Variants in TBC1D22A observed in about 807,000 individuals in gnomAD.
TBC1D22A encodes the protein TBC1 domain family member 22A, also known as putative GTPase activator.
In TBC1D22A, 38 loss-of-function variants were observed where a neutral mutation model predicts 60.2. The ratio of observed to expected loss-of-function variants is 0.63; its 90% CI spans 0.49 to 0.83. The LOEUF (loss-of-function observed/expected upper bound fraction) is 0.83, where lower values mean the gene tolerates loss of function less well. Ranked by LOEUF, TBC1D22A falls within the 40% of genes least tolerant of loss-of-function variation. TBC1D22A has a pLI of 0.00. For missense variants in TBC1D22A, 628 were observed against 701.0 expected, an observed-to-expected ratio of 0.90 and a Z score of 1.18; for synonymous variants, 302 against 281.7, an observed-to-expected ratio of 1.07 and a Z score of -0.72.
chr22:47,097,299 T>C (rs552954979), intron 11 of TBC1D22A, among the ~76,000 whole-genome samples: 2 of 152,294 alleles, frequency 1.3e-5, no homozygotes, highest in South Asian at 2.1e-4. Flanking sequence ...CCTGGATAAA[T>C]GATAGGGAGT....
intron 8 of TBC1D22A, among the ~76,000 whole-genome samples, chr22:46,943,203 C>T (rs2072285403): frequency 6.6e-6 from 1 of 152,072 alleles, no homozygotes; most frequent in African/African-American, 2.4e-5. Flanking sequence ...TTATGCTCTC[C>T]TCCCAGCCTC....
At chr22:46,853,460 T>C (rs887128885) in intron 4 of TBC1D22A, among the ~76,000 whole-genome samples, 1 of 152,222 alleles carries the variant, frequency 6.6e-6, no homozygotes, top group African/African-American at 2.4e-5. Flanking sequence ...CCTGGCTCTG[T>C]GCCCACGTGG....
intron 12 of TBC1D22A, among the ~76,000 whole-genome samples, chr22:47,165,423 G>A (rs889585453): frequency 6.6e-6 from 1 of 152,164 alleles, no homozygotes; most frequent in African/African-American, 2.4e-5. Context: ...TGCCCCTCTC[G>A]CCTGGGGGTG....
chr22:47,061,490 G>A (rs1259611612), intron 11 of TBC1D22A, among the ~76,000 whole-genome samples: 2 of 152,044 alleles, frequency 1.3e-5, no homozygotes, highest in Non-Finnish European at 2.9e-5. Context: ...CTTGCTACAC[G>A]AGCAGCTCTC....
chr22:46,854,907 T>A (rs143891305), intron 4 of TBC1D22A, among the ~76,000 whole-genome samples: 45 of 152,352 alleles, frequency 3.0e-4, no homozygotes, highest in African/African-American at 1.0e-3. Flanking sequence ...CTCTGCCTAA[T>A]ACTTGTGAAC....
intron 12 of TBC1D22A, among the ~76,000 whole-genome samples, chr22:47,135,080 G>T (rs1216486703): frequency 6.6e-6 from 1 of 152,222 alleles, no homozygotes; most frequent in East Asian, 1.9e-4. Context: ...TCCCCAGCTG[G>T]GAAGGGGACA....
chr22:46,852,818 G>T (rs1248209294), intron 4 of TBC1D22A, among the ~76,000 whole-genome samples: 1 of 152,176 alleles, frequency 6.6e-6, no homozygotes, highest in African/African-American at 2.4e-5. Flanking sequence ...TCTAGGGAGA[G>T]CTGCGCTTTG....
intron 11 of TBC1D22A, among the ~76,000 whole-genome samples, chr22:47,099,357 G>A (rs946682838): frequency 2.0e-5 from 3 of 152,196 alleles, no homozygotes. Context: ...GGGTTTAGGG[G>A]CGGTCAAGAA....
intron 10 of TBC1D22A, among the ~76,000 whole-genome samples, chr22:47,019,654 G>A (rs2148333144): frequency 6.6e-6 from 1 of 152,034 alleles, no homozygotes. Context: ...GAGACGTTGT[G>A]GGCAGTGGTG....
At chr22:46,892,124 GGTTCTTAATTGGTATTATT>G in intron 6 of TBC1D22A, among the ~76,000 whole-genome samples, 1 of 152,180 alleles carries the variant, frequency 6.6e-6, no homozygotes, top group South Asian at 2.1e-4. Context: ...TCAAAATGGT[GGTTCTTAATTGGTATTATT>G]GTCTTAGCTA....
chr22:47,088,162 A>C (rs2064777944), intron 11 of TBC1D22A, among the ~76,000 whole-genome samples: 1 of 152,104 alleles, frequency 6.6e-6, no homozygotes, highest in African/African-American at 2.4e-5. Flanking sequence ...ATAACCTCTT[A>C]TCTTCTGGCT....
chr22:47,051,476 C>T (rs184905928), intron 11 of TBC1D22A, among the ~76,000 whole-genome samples: 10 of 152,298 alleles, frequency 6.6e-5, no homozygotes, highest in Admixed American at 3.9e-4. Context: ...TGCTTCAATG[C>T]GGACCCTGGG....
intron 8 of TBC1D22A, among the ~76,000 whole-genome samples, chr22:46,947,853 G>C (rs1569258541): frequency 6.6e-6 from 1 of 152,212 alleles, no homozygotes. Flanking sequence ...TGAGGATTCT[G>C]TGGCCACCTT....
intron 4 of TBC1D22A, among the ~76,000 whole-genome samples, chr22:46,815,467 A>C (rs968869965): frequency 2.0e-5 from 3 of 152,196 alleles, no homozygotes; most frequent in African/African-American, 7.2e-5. Context: ...ACGCAATCCT[A>C]CTTCCCCTGT....
intron 1 of TBC1D22A, among the ~76,000 whole-genome samples, chr22:46,767,668 G>A (rs898687533): frequency 6.6e-6 from 1 of 152,182 alleles, no homozygotes; most frequent in Non-Finnish European, 1.5e-5. Flanking sequence ...GTGGCTTAGT[G>A]GCAGGTGTGG....
chr22:46,910,696 T>G, intron 7 of TBC1D22A, among the ~76,000 whole-genome samples: 2 of 150,200 alleles, frequency 1.3e-5, no homozygotes, highest in East Asian at 2.0e-4. Flanking sequence ...AAAAAGAGAG[T>G]GGGGAGGGAA....
chr22:47,097,589 C>T (rs148433935), intron 11 of TBC1D22A, among the ~76,000 whole-genome samples: 3,060 of 150,014 alleles, frequency 0.02, 77 homozygotes, highest in African/African-American at 0.068. Flanking sequence ...CCAGCCTGGG[C>T]GAGAGAGCAA....
intron 12 of TBC1D22A, among the ~76,000 whole-genome samples, chr22:47,169,000 A>T (rs755316438): frequency 2.0e-5 from 3 of 151,016 alleles, no homozygotes; most frequent in Non-Finnish European, 4.4e-5. Context: ...GCCCTCCGGC[A>T]TTGGGAGCCT....
At chr22:46,977,829 C>G (rs372652427) in intron 9 of TBC1D22A, among the ~76,000 whole-genome samples, 2 of 152,122 alleles carry the variant, frequency 1.3e-5, no homozygotes, top group Non-Finnish European at 2.9e-5. Flanking sequence ...CATGACCCAG[C>G]GACGCAGCGC....
Sources: gnomAD v4.1 joint callset for allele counts (sites outside exome capture counted in the v4.1 genomes callset) on GRCh38, gnomAD v4.1.1 for gene constraint, MANE v1.5 for transcripts, NCBI Gene and HGNC (gene_info 2026-07-23, HGNC 2026-07-21) for gene names.